ELF2: variants seen among roughly 807,000 people sequenced by gnomAD.
ELF2 encodes E74 like ETS transcription factor 2.
A neutral mutation model predicts 54.8 loss-of-function variants in ELF2; 11 were observed. That is an observed-to-expected ratio of 0.20 (90% confidence interval 0.13 to 0.33). ELF2 has a LOEUF of 0.33. Ranked by LOEUF, ELF2 falls within the 10% of genes least tolerant of loss-of-function variation. The pLI is 1.00. For missense variants in ELF2, 513 were observed against 703.0 expected (o/e 0.73, Z 3.06); for synonymous variants, 203 against 245.1 (o/e 0.83, Z 1.61).
chr4:139,071,144 C>T (rs957706190), intron 6 of ELF2, among the ~76,000 whole-genome samples: 1 of 152,042 alleles, frequency 6.6e-6, no homozygotes, highest in African/African-American at 2.4e-5. Flanking sequence ...ATGCTCTTTA[C>T]CCACTGGTGA....
chr4:139,079,046 G>A lies in ELF2; in HGVS notation c.239-5479C>T, dbSNP rs577808597. Among the ~76,000 whole-genome samples, 5 of 151,984 alleles carry A rather than the reference G, an allele frequency of 3.3e-5. No homozygotes were observed. In the South Asian group the frequency reaches 6.2e-4, roughly 19 times the overall value. On this transcript the variant is annotated intron_variant, in intron 4 of 9. Transcript: ENST00000686138. ...TGGGGTGTGATCCTCCTACCTCAGC[G>A]TCTCAAGTAGATGAGACCACAGGCA...
At chr4:139,112,410 G>A (rs1461457592) in intron 4 of ELF2, among the ~76,000 whole-genome samples, 2 of 152,206 alleles carry the variant, frequency 1.3e-5, no homozygotes, top group African/African-American at 4.8e-5. Context: ...AGCCTGGTGA[G>A]GGCAAAGAGA....
chr4:139,068,851 CAT>C (rs1249648280), intron 6 of ELF2, among the ~76,000 whole-genome samples: 2 of 151,880 alleles, frequency 1.3e-5, no homozygotes, highest in East Asian at 1.9e-4. Flanking sequence ...AAATCAAATA[CAT>C]ATATATACAC....
chr4:139,147,684 C>G (rs1167350509), intron 1 of ELF2, among the ~76,000 whole-genome samples: 2 of 151,616 alleles, frequency 1.3e-5, no homozygotes, highest in African/African-American at 4.9e-5. Flanking sequence ...CCATCTTGAC[C>G]AGGCTGGTCT....
intron 4 of ELF2, among the ~76,000 whole-genome samples, chr4:139,085,220 TATA>T (rs1212637258): frequency 6.6e-6 from 1 of 152,170 alleles, no homozygotes; most frequent in African/African-American, 2.4e-5. Flanking sequence ...ATCAAACCAA[TATA>T]ATGACGAATA....
chr4:139,084,450 C>CA, intron 4 of ELF2: 1 of 1,147,254 alleles, frequency 8.7e-7, no homozygotes. Context: ...GCGGCGGCGG[C>CA]GGCGGCGGCG....
intron 4 of ELF2, chr4:139,084,069 C>A: frequency 6.2e-7 from 1 of 1,609,886 alleles, no homozygotes; most frequent in Non-Finnish European, 8.5e-7. Context: ...GGAGTCACCC[C>A]GCCTTCTGTG....
At chr4:139,108,015 T>C (rs1274731932) in intron 4 of ELF2, among the ~76,000 whole-genome samples, 6 of 152,044 alleles carry the variant, frequency 3.9e-5, no homozygotes, top group African/African-American at 1.4e-4. Context: ...TGAGAATGTG[T>C]ATCTTTAAGG....
At chr4:139,067,592 C>T in intron 7 of ELF2, 92 bp downstream of exon 7, 1 of 1,279,774 alleles carries the variant, frequency 7.8e-7, no homozygotes, top group Non-Finnish European at 1.1e-6. Flanking sequence ...CTCATATGTG[C>T]ATGTACTAGA....
At chr4:139,095,842 C>T (rs1733209391) in intron 4 of ELF2, among the ~76,000 whole-genome samples, 3 of 152,166 alleles carry the variant, frequency 2.0e-5, no homozygotes, top group Admixed American at 2.0e-4. Flanking sequence ...GTCAGGAGTT[C>T]AAGATCAGCC....
intron 4 of ELF2, among the ~76,000 whole-genome samples, chr4:139,092,984 GAGAA>G (rs1732839164): frequency 2.1e-5 from 2 of 96,552 alleles, no homozygotes; most frequent in African/African-American, 7.8e-5. Flanking sequence ...TTTTTTTTTT[GAGAA>G]AGAGTCTCGC....
chr4:139,079,704 G>A (rs925686128), intron 4 of ELF2, among the ~76,000 whole-genome samples: 1 of 152,166 alleles, frequency 6.6e-6, no homozygotes, highest in Non-Finnish European at 1.5e-5. Context: ...CTGAGGTCAG[G>A]ATTTCAAGAC....
intron 1 of ELF2, among the ~76,000 whole-genome samples, chr4:139,172,350 G>A (rs1475926143): frequency 2.0e-5 from 3 of 152,088 alleles, no homozygotes; most frequent in Admixed American, 6.6e-5. Flanking sequence ...AATAATCTAC[G>A]TTTTAAATTG....
intron 4 of ELF2, among the ~76,000 whole-genome samples, chr4:139,113,471 G>A (rs561875107): frequency 6.6e-6 from 1 of 152,186 alleles, no homozygotes; most frequent in Admixed American, 6.5e-5. Context: ...TGAGACAGGA[G>A]AATCACTTGA....
chr4:139,068,877 TAC>T (rs1323789219), intron 6 of ELF2, among the ~76,000 whole-genome samples: 1 of 151,878 alleles, frequency 6.6e-6, no homozygotes, highest in Admixed American at 6.6e-5. Flanking sequence ...CATAAATACA[TAC>T]ACTTTTTTTT....
At chr4:139,101,851 A>G (rs1314967114) in intron 4 of ELF2, 2 of 152,182 alleles carry the variant, frequency 1.3e-5, no homozygotes, top group Non-Finnish European at 2.9e-5. Context: ...TAGCCTCCTA[A>G]GTATGTAATA....
Position 139,091,609 on chromosome 4 carries a change from A to G in ELF2, c.239-18042T>C, listed in dbSNP as rs1278815871. On this transcript the variant is annotated intron_variant, in intron 4 of 9. Transcript: ENST00000686138. ...AGTGAACCTCTCACTTCAGCCTCCC[A>G]AGTAGCTGGGACTCCAGGTGTGTAC... 4.6e-5 allele frequency among the ~76,000 whole-genome samples: 7 copies of G among 152,022 alleles called. No homozygotes were observed. The South Asian group carries it at 1.2e-3, about 27-fold the overall frequency.
chr4:139,162,019 G>T (rs978539378), intron 1 of ELF2, among the ~76,000 whole-genome samples: 2 of 152,100 alleles, frequency 1.3e-5, no homozygotes, highest in Non-Finnish European at 1.5e-5. Flanking sequence ...GCTTGAACCC[G>T]GGAGGCGGAG....
intron 4 of ELF2, among the ~76,000 whole-genome samples, chr4:139,105,039 G>A (rs1048587099): frequency 6.6e-6 from 1 of 152,142 alleles, no homozygotes; most frequent in Non-Finnish European, 1.5e-5. Context: ...AGCCATGGCA[G>A]TAATATAGGT....
Sources: allele counts gnomAD v4.1 joint callset (sites outside exome capture counted in the v4.1 genomes callset), GRCh38; gene constraint gnomAD v4.1.1; transcripts MANE v1.5; gene names NCBI Gene and HGNC (gene_info 2026-07-23, HGNC 2026-07-21).